Variants in RGS6 observed in about 807,000 individuals in gnomAD.
RGS6 encodes regulator of G protein signaling 6.
Under a neutral mutation model 78.5 loss-of-function variants are expected in RGS6, and 30 were observed. The ratio of observed to expected loss-of-function variants is 0.38; its 90% confidence interval spans 0.29 to 0.52. The LOEUF is 0.52. Among genes scored for constraint, RGS6 ranks in the 20% least tolerant of loss-of-function variants. The pLI is 0.85. For missense variants in RGS6, 495 were observed against 609.7 expected (o/e 0.81, Z 1.98); for synonymous variants, 206 against 206.0 (o/e 1.00, Z 0.00).
intron 2 of RGS6, among the ~76,000 whole-genome samples, chr14:72,055,135 A>G (rs942853007): frequency 1.3e-5 from 2 of 152,172 alleles, no homozygotes; most frequent in Admixed American, 6.5e-5. Flanking sequence ...CCTTGTGTCT[A>G]TGCTTAGAGG....
intron 3 of RGS6, among the ~76,000 whole-genome samples, chr14:72,408,819 G>C (rs894595175): frequency 1.3e-5 from 2 of 152,122 alleles, no homozygotes; most frequent in Non-Finnish European, 2.9e-5. Context: ...ATAGCAATTT[G>C]GCAGGATAAA....
chr14:72,211,847 AT>A (rs1483350516), intron 2 of RGS6, among the ~76,000 whole-genome samples: 4 of 152,216 alleles, frequency 2.6e-5, no homozygotes, highest in Non-Finnish European at 4.4e-5. Context: ...TTATTTGGAT[AT>A]TACATAAAAC....
At chr14:72,382,665 G>A (rs1420260586) in intron 3 of RGS6, among the ~76,000 whole-genome samples, 7 of 152,162 alleles carry the variant, frequency 4.6e-5, no homozygotes, top group Admixed American at 4.6e-4. Flanking sequence ...GTTCGTAGCA[G>A]CAAAATTCTG....
chr14:72,619,291 G>C, the RGS6 span: 1 of 1,535,946 alleles, frequency 6.5e-7, no homozygotes. Context: ...TCTGTGACCT[G>C]GGGCCCTAGG....
chr14:72,150,547 A>G (rs1404754901), intron 2 of RGS6, among the ~76,000 whole-genome samples: 6 of 152,064 alleles, frequency 3.9e-5, no homozygotes, highest in Non-Finnish European at 8.8e-5. Context: ...GAGGATCCCC[A>G]GGCTCTATGG....
At chr14:72,624,729 A>G in the RGS6 span, among the ~76,000 whole-genome samples, 2 of 152,090 alleles carry the variant, frequency 1.3e-5, no homozygotes, top group Admixed American at 1.3e-4. Flanking sequence ...AATCTGTGAC[A>G]GTTCCTCAGT....
intron 1 of RGS6, among the ~76,000 whole-genome samples, chr14:71,938,044 C>T (rs1291960559): frequency 6.6e-6 from 1 of 152,156 alleles, no homozygotes; most frequent in African/African-American, 2.4e-5. Context: ...GTTCATGGGC[C>T]CATTGGGTGG....
chr14:72,382,030 CTT>C, intron 3 of RGS6, among the ~76,000 whole-genome samples: 1 of 151,360 alleles, frequency 6.6e-6, no homozygotes, highest in East Asian at 1.9e-4. Flanking sequence ...AGAATGGCTT[CTT>C]AAAAAGCCAT....
At chr14:72,617,003 G>A in the RGS6 span, among the ~76,000 whole-genome samples, 4 of 152,134 alleles carry the variant, frequency 2.6e-5, no homozygotes, top group Admixed American at 6.5e-5. Context: ...GGGGAACTCC[G>A]GGGCCATCCT....
intron 3 of RGS6, among the ~76,000 whole-genome samples, chr14:72,430,150 T>C (rs1443042333): frequency 1.3e-5 from 2 of 152,198 alleles, no homozygotes; most frequent in African/African-American, 4.8e-5. Flanking sequence ...AAATGCAAAG[T>C]ACATATAGCT....
At chr14:72,422,905 T>C (rs2094259379) in intron 3 of RGS6, among the ~76,000 whole-genome samples, 1 of 152,212 alleles carries the variant, frequency 6.6e-6, no homozygotes, top group African/African-American at 2.4e-5. Context: ...GGAGAGGGCA[T>C]GGAGCGGACT....
chr14:72,421,371 G>A (rs568470936), intron 3 of RGS6, among the ~76,000 whole-genome samples: 2 of 152,140 alleles, frequency 1.3e-5, no homozygotes, highest in South Asian at 2.1e-4. Context: ...TATGAGAAAT[G>A]TAATTATTTA....
chr14:71,897,555 C>T, the RGS6 span, among the ~76,000 whole-genome samples: 7 of 152,084 alleles, frequency 4.6e-5, no homozygotes, highest in African/African-American at 1.7e-4. Flanking sequence ...GAGTCTTGCT[C>T]TGTCACCCAG....
At chr14:72,285,265 C>T (rs2062323563) in intron 2 of RGS6, among the ~76,000 whole-genome samples, 1 of 152,082 alleles carries the variant, frequency 6.6e-6, no homozygotes, top group South Asian at 2.1e-4. Flanking sequence ...GCTGTGTCCC[C>T]ACCCAAATCT....
chr14:72,239,866 A>T (rs1231186728), intron 2 of RGS6, among the ~76,000 whole-genome samples: 1 of 152,236 alleles, frequency 6.6e-6, no homozygotes, highest in Non-Finnish European at 1.5e-5. Flanking sequence ...TCTGTTGCAG[A>T]TTCAGATGGG....
rs530624782 is a variant in RGS6, at chr14:72,039,567, GC to G, written c.84+74693del. On this transcript the variant is annotated intron_variant, in intron 2 of 17. Coordinates refer to ENST00000553525, the MANE Select transcript of RGS6 (RefSeq NM_001204424.2). ...TATCTTTTTCCATTCTTTCATTTCA[GC>G]TTATGTGTGCCATTATATCTAAAGG... Among the ~76,000 whole-genome samples, 380 of 152,066 alleles carry G rather than the reference GC, an allele frequency of 2.5e-3. 3 individuals are homozygous for G. The highest frequency in any genetic ancestry group is 8.8e-3 in the African/African-American group (366 of 41,490).
intron 2 of RGS6, among the ~76,000 whole-genome samples, chr14:72,187,828 G>A (rs995016840): frequency 2.0e-5 from 3 of 151,916 alleles, no homozygotes; most frequent in Admixed American, 1.3e-4. Context: ...AAATGTCTTC[G>A]TAACGGCAAA....
the RGS6 span, among the ~76,000 whole-genome samples, chr14:72,589,426 T>A: frequency 2.0e-5 from 3 of 152,190 alleles, no homozygotes; most frequent in Non-Finnish European, 2.9e-5. Context: ...GGCACACACC[T>A]GTAATCCCAG....
intron 2 of RGS6, among the ~76,000 whole-genome samples, chr14:72,284,229 C>T (rs538047892): frequency 3.2e-4 from 48 of 152,268 alleles, no homozygotes; most frequent in South Asian, 1.7e-3. Context: ...AAATTCAAGC[C>T]GGCTGCAGAG....
Sources: gnomAD v4.1 joint callset for allele counts (sites outside exome capture counted in the v4.1 genomes callset) on GRCh38, gnomAD v4.1.1 for gene constraint, MANE v1.5 for transcripts, NCBI Gene and HGNC (gene_info 2026-07-23, HGNC 2026-07-21) for gene names.